The following CYP2C18 variants were observed in gnomAD, a reference collection of about 807,000 sequenced individuals.
CYP2C18 encodes the protein cytochrome P450 family 2 subfamily C member 18, also known as cytochrome P450 2C18.
A neutral mutation model predicts 41.3 loss-of-function variants in CYP2C18; 38 were observed. The observed-to-expected ratio is 0.92, with a 90% confidence interval of 0.71 to 1.21. The LOEUF (loss-of-function observed/expected upper bound fraction) is 1.21, where lower values mean the gene tolerates loss of function less well. CYP2C18 is among the 50% of genes most tolerant of loss of function. CYP2C18 has a pLI of 0.00. For missense variants in CYP2C18, 635 were observed against 591.4 expected, an observed-to-expected ratio of 1.07 and a Z score of -0.77; for synonymous variants, 236 against 210.0, an observed-to-expected ratio of 1.12 and a Z score of -1.07.
At chr10:94,701,912 T>C (rs1156704649) in intron 4 of CYP2C18, among the ~76,000 whole-genome samples, 8 of 152,216 alleles carry the variant, frequency 5.3e-5, no homozygotes, top group Non-Finnish European at 2.9e-5. Flanking sequence ...CACTGGGCAG[T>C]GGCATTACAG....
chr10:94,735,203 T>G, intron 8 of CYP2C18, 60 bp from the exon 9 acceptor site: 1 of 1,512,546 alleles, frequency 6.6e-7, no homozygotes, highest in Non-Finnish European at 9.2e-7. Flanking sequence ...CTGCATACTC[T>G]TTGTGACTGT....
chr10:94,727,044 G>A (rs1182891871), intron 7 of CYP2C18, among the ~76,000 whole-genome samples: 2 of 151,996 alleles, frequency 1.3e-5, no homozygotes. Flanking sequence ...CTGAGGAAAT[G>A]AATTTAAAAT....
chr10:94,712,479 A>G (rs906262673), intron 5 of CYP2C18, among the ~76,000 whole-genome samples: 3 of 152,088 alleles, frequency 2.0e-5, no homozygotes. Context: ...ACTTAGCATA[A>G]TGTTCTCCAG....
intron 3 of CYP2C18, 42 bp from the exon 4 acceptor site, chr10:94,694,862 AAAGTATTTTATAT>A: frequency 6.4e-7 from 1 of 1,557,606 alleles, no homozygotes; most frequent in Admixed American, 1.9e-5. Flanking sequence ...TATCAAAGAC[AAAGTATTTTATAT>A]GTATATTTTA....
At chr10:94,716,571 T>A (rs886247008) in intron 5 of CYP2C18, among the ~76,000 whole-genome samples, 8 of 152,226 alleles carry the variant, frequency 5.3e-5, no homozygotes, top group Non-Finnish European at 1.2e-4. Flanking sequence ...TCTGTTTTTT[T>A]ACATTTGCTG....
chr10:94,691,269 A>G (rs1480744651), intron 3 of CYP2C18, among the ~76,000 whole-genome samples: 1 of 152,214 alleles, frequency 6.6e-6, no homozygotes, highest in African/African-American at 2.4e-5. Context: ...TATATCTAGA[A>G]AACCCCATCA....
chr10:94,711,969 G>T (rs1391100668), intron 5 of CYP2C18, among the ~76,000 whole-genome samples: 1 of 147,682 alleles, frequency 6.8e-6, no homozygotes, highest in African/African-American at 2.5e-5. Context: ...AGCCTCCTAA[G>T]TATATGGGAC....
At chr10:94,729,569 AC>A (rs1847795934) in intron 7 of CYP2C18, among the ~76,000 whole-genome samples, 1 of 152,198 alleles carries the variant, frequency 6.6e-6, no homozygotes, top group Admixed American at 6.6e-5. Context: ...AACAAAAAAA[AC>A]CAGTGATGGT....
At chr10:94,720,816 C>A (rs929016513) in intron 6 of CYP2C18, among the ~76,000 whole-genome samples, 1 of 152,102 alleles carries the variant, frequency 6.6e-6, no homozygotes, top group Non-Finnish European at 1.5e-5. Context: ...GTCTAGATTT[C>A]ATGGGAGACG....
At chr10:94,707,683 T>C (rs867482392) in intron 5 of CYP2C18, among the ~76,000 whole-genome samples, 37 of 152,156 alleles carry the variant, frequency 2.4e-4, no homozygotes, top group African/African-American at 8.0e-4. Context: ...TTCATATATT[T>C]GAAGTTCAGC....
intron 4 of CYP2C18, among the ~76,000 whole-genome samples, chr10:94,697,699 A>G (rs1437757708): frequency 1.3e-5 from 2 of 152,212 alleles, no homozygotes; most frequent in South Asian, 2.1e-4. Flanking sequence ...TTGGATAAAG[A>G]GTCAAGATCC....
At chr10:94,721,341 A>T (rs1200060860) in intron 6 of CYP2C18, among the ~76,000 whole-genome samples, 1 of 152,086 alleles carries the variant, frequency 6.6e-6, no homozygotes, top group Non-Finnish European at 1.5e-5. Flanking sequence ...ATCTTCCCTT[A>T]TTCTGAAAAT....
intron 6 of CYP2C18, among the ~76,000 whole-genome samples, chr10:94,721,490 CA>C (rs1847644120): frequency 6.6e-6 from 1 of 151,800 alleles, no homozygotes; most frequent in Admixed American, 6.6e-5. Flanking sequence ...CTTAGGGGTA[CA>C]AGTGCAATTG....
At chr10:94,727,456 A>T (rs919665687) in intron 7 of CYP2C18, among the ~76,000 whole-genome samples, 1 of 152,068 alleles carries the variant, frequency 6.6e-6, no homozygotes, top group African/African-American at 2.4e-5. Flanking sequence ...CTCTACAAAA[A>T]ATAAAAAAAT....
intron 4 of CYP2C18, among the ~76,000 whole-genome samples, chr10:94,699,831 T>A (rs1455297475): frequency 6.6e-6 from 1 of 152,076 alleles, no homozygotes; most frequent in Non-Finnish European, 1.5e-5. Flanking sequence ...TATACACCAA[T>A]AACAGAGAAA....
At chr10:94,686,592 T>G (rs1361771115) in intron 1 of CYP2C18, among the ~76,000 whole-genome samples, 1 of 152,226 alleles carries the variant, frequency 6.6e-6, no homozygotes, top group African/African-American at 2.4e-5. Context: ...ACTTCTGTAT[T>G]ACTGGAGGCC....
chr10:94,688,282 A>C lies in CYP2C18; in HGVS notation c.481+8A>C, dbSNP rs754962916. The C allele has an allele frequency of 1.1e-5, 17 of 1,583,332 alleles. No individual in the cohort carries two copies. Among genetic ancestry groups the C allele is most frequent in the Non-Finnish European group, 1.4e-5 (16 of 1,170,980 alleles). ...AGTTGAGAAAAACCAATGGTGGGTGACTTTTTTTTTTCCTGAAAAATGTTT... is the reference window on the plus strand; with the variant it reads ...AGTTGAGAAAAACCAATGGTGGGTGCCTTTTTTTTTTCCTGAAAAATGTTT... On this transcript the variant is annotated splice_region_variant and intron_variant, in intron 3 of 8. Transcript: ENST00000285979.
chr10:94,697,255 A>C (rs970249430), intron 4 of CYP2C18, among the ~76,000 whole-genome samples: 1 of 152,240 alleles, frequency 6.6e-6, no homozygotes, highest in African/African-American at 2.4e-5. Flanking sequence ...CCACAAAGGG[A>C]AGCCCATCAG....
chr10:94,726,765 T>C (rs1028955020), intron 7 of CYP2C18, among the ~76,000 whole-genome samples: 1 of 152,154 alleles, frequency 6.6e-6, no homozygotes, highest in Non-Finnish European at 1.5e-5. Flanking sequence ...TCCAGTGCCT[T>C]CTAACACATG....
Sources: gnomAD v4.1 joint callset for allele counts (sites outside exome capture counted in the v4.1 genomes callset) on GRCh38, gnomAD v4.1.1 for gene constraint, MANE v1.5 for transcripts, NCBI Gene and HGNC (gene_info 2026-07-23, HGNC 2026-07-21) for gene names.